Variants in NKTR observed in about 807,000 individuals in gnomAD.
The protein encoded by NKTR is natural killer cell triggering receptor, also known as NK-tumor recognition protein.
NKTR carries 67 observed loss-of-function variants against 156.3 expected under a neutral mutation model. That is an observed-to-expected ratio of 0.43 (90% confidence interval 0.35 to 0.53). The LOEUF is 0.53. NKTR is among the 20% of genes least tolerant of loss of function. NKTR has a pLI of 0.01. For missense variants in NKTR, 1,604 were observed against 1,730.9 expected (o/e 0.93, Z 1.30); for synonymous variants, 640 against 596.6 (o/e 1.07, Z -1.06).
chr3:42,638,409 A>C lies in NKTR; in HGVS notation c.2705A>C (p.Asp902Ala), dbSNP rs1577571714. Residue 902 changes from aspartate to alanine, a missense_variant, in exon 13 of 17, where the codon GAC becomes GCC. By Grantham distance (126) the Asp-to-Ala change is moderately radical. Coordinates refer to ENST00000232978, the MANE Select transcript of NKTR (RefSeq NM_005385.4). ...GATGTCACTAAAAACAGTAAAAATG[A>C]CTCCCATCCATCCTCTGACAAGGAA... ...ERDVTKNSKN[D>A]SHPSSDKEEG... 1 of 1,613,834 alleles carries C rather than the reference A, an allele frequency of 6.2e-7. No homozygotes were observed. Among genetic ancestry groups the C allele is most frequent in the Non-Finnish European group, 8.5e-7 (1 of 1,179,958 alleles).
Position 42,642,502 on chromosome 3 carries a change from T to G in NKTR, c.4048T>G (p.Ser1350Ala). 6.2e-7 allele frequency: 1 copy of G among 1,610,726 alleles called. No homozygotes were observed. Among genetic ancestry groups the G allele is most frequent in the Non-Finnish European group, 8.5e-7 (1 of 1,176,920 alleles). ...TTTTTTCAATTGCTTTAATTGTAGA[T>G]CAAGAAGCTACTCTAGAAGTCGGAG... ...RSRSSTSSYR[S>A]RSYSRSRSRG... Residue 1350 changes from serine to alanine, a missense_variant and splice_region_variant, in exon 14 of 17, where the codon TCA becomes GCA. Transcript: ENST00000232978.
At chr3:42,630,735 A>AC in intron 7 of NKTR, 160 bp downstream of exon 7, 1 of 1,426,844 alleles carries the variant, frequency 7.0e-7, no homozygotes, top group South Asian at 1.7e-5. Context: ...TTGTTTTGAG[A>AC]CCCCATGGCT....
intron 10 of NKTR, among the ~76,000 whole-genome samples, chr3:42,634,243 C>T (rs1331768945): frequency 6.6e-6 from 1 of 152,088 alleles, no homozygotes; most frequent in East Asian, 1.9e-4. Context: ...GTGAATGTGT[C>T]GCTTTAGATT....
At chr3:42,613,552 T>A (rs1368413661) in intron 2 of NKTR, among the ~76,000 whole-genome samples, 1 of 152,208 alleles carries the variant, frequency 6.6e-6, no homozygotes, top group Non-Finnish European at 1.5e-5. Context: ...AACTACCATA[T>A]CATCTATGTA....
intron 2 of NKTR, chr3:42,612,470 C>T (rs910207500): frequency 1.3e-5 from 2 of 152,138 alleles, no homozygotes; most frequent in Non-Finnish European, 2.9e-5. Flanking sequence ...ATAATTAACA[C>T]TGTTTGCATT....
In NKTR at chr3:42,639,100, C is replaced by T. The variant is rs145783790; in HGVS notation, c.3396C>T (p.Cys1132=). The T allele has an allele frequency of 1.2e-4, 201 of 1,614,132 alleles. 1 individual carries two copies. In the East Asian group the frequency reaches 4.4e-3, roughly 36 times the overall value. ...AAACAGATGACAACATGGAGATCTG[C>T]ACTCCTGATAGGAGTTCCCCAGCAA... The part of the protein sequence containing the change: ...VLQTDDNMEI[C]TPDRSSPAKV... The change falls in exon 13 of 17, where the codon TGC becomes TGT. Residue 1132 remains cysteine (C), a synonymous_variant. Coordinates refer to ENST00000232978, the MANE Select transcript of NKTR (RefSeq NM_005385.4).
Position 42,643,846 on chromosome 3 carries a change from G to C in NKTR, c.4200-56G>C, listed in dbSNP as rs890050860. The C allele has an allele frequency of 4.9e-6, 6 of 1,225,666 alleles. No individual in the cohort carries two copies. In the Admixed American group the frequency reaches 5.3e-5, roughly 11 times the overall value. The allele number at this position is 1,225,666 out of a possible 1,614,324, so 75.9% of individuals were successfully genotyped here. A position where few individuals can be genotyped will look rare whatever the true frequency, so the allele number is the denominator to read the frequency against. The stretch of plus-strand genomic sequence containing the variant: ...CTCCTGAGATCCTAAAAAGAAATAG[G>C]AACATATGAGTATCTGAGTGGGAAA... On this transcript the variant is annotated intron_variant, in intron 15 of 16. Coordinates refer to ENST00000232978, the MANE Select transcript of NKTR (RefSeq NM_005385.4).
At chr3:42,643,228 T>G in intron 14 of NKTR, 111 bp from the exon 15 acceptor site, 1 of 764,942 alleles carries the variant, frequency 1.3e-6, no homozygotes, top group Admixed American at 2.4e-5. Context: ...AATGTAGCTG[T>G]GGGATTTCAC....
chr3:42,629,891 C>T (rs1708735819), intron 6 of NKTR: 1 of 985,432 alleles, frequency 1.0e-6, no homozygotes, highest in Non-Finnish European at 1.2e-6. Context: ...AAAATGTCTG[C>T]AATGTTATCC....
chr3:42,638,283 C>G lies in NKTR; in HGVS notation c.2579C>G (p.Thr860Ser). Residue 860 changes from threonine to serine, a missense_variant, in exon 13 of 17, where the codon ACT becomes AGT. Around this residue, in one of 6 missense-constraint regions of NKTR, gnomAD observed 1,255 missense variants for 1,243.7 expected, o/e 1.01. Transcript: ENST00000232978. ...GAATGCCCTCATTCAAAAAAAAGAACTTTGAAAGAGAATCTTTCTGATCAC... is the reference window on the plus strand; with the variant it reads ...GAATGCCCTCATTCAAAAAAAAGAAGTTTGAAAGAGAATCTTTCTGATCAC... The part of the protein sequence containing the change: ...ERECPHSKKR[T>S]LKENLSDHLR... 1 of 1,606,462 alleles carries G rather than the reference C, an allele frequency of 6.2e-7. No individual in the cohort carries two copies. The highest frequency in any genetic ancestry group is 1.1e-5 in the South Asian group (1 of 89,366).
rs181951035 is a variant in NKTR, at chr3:42,610,074, C to T, written c.59-7496C>T. On this transcript the variant is annotated intron_variant, in intron 2 of 16. Coordinates refer to ENST00000232978, the MANE Select transcript of NKTR (RefSeq NM_005385.4). ...GCTGGAGTGCAAAATGGTGCAATCT[C>T]GGCTCACTGCAACCTCTGCCTCCTG... Among the ~76,000 whole-genome samples, 3 of 152,110 alleles carry T rather than the reference C, an allele frequency of 2.0e-5. No individual in the cohort carries two copies. The East Asian group carries it at 5.8e-4, about 29-fold the overall frequency.
At chr3:42,645,057 G>A (rs1710237135) in intron 16 of NKTR, among the ~76,000 whole-genome samples, 1 of 152,000 alleles carries the variant, frequency 6.6e-6, no homozygotes, top group Admixed American at 6.5e-5. Flanking sequence ...AACTGAATGG[G>A]ACCCATGACC....
In NKTR at chr3:42,645,992, A is replaced by C; in HGVS notation, c.*17A>C. ...TACAGTTGAAAACGTCCGGATACAA[A>C]TTATATCTTATTTGTAAATATCTGG... On this transcript the variant is annotated 3_prime_UTR_variant, in exon 17 of 17. Coordinates refer to ENST00000232978, the MANE Select transcript of NKTR (RefSeq NM_005385.4). 1 of 1,563,918 alleles carries C rather than the reference A, an allele frequency of 6.4e-7. No homozygotes were observed. Among genetic ancestry groups the C allele is most frequent in the Non-Finnish European group, 8.8e-7 (1 of 1,135,712 alleles).
At chr3:42,628,985 G>T in intron 6 of NKTR, 1 of 548,442 alleles carries the variant, frequency 1.8e-6, no homozygotes, top group Non-Finnish European at 2.3e-6. Flanking sequence ...CTGGGCAACA[G>T]AGTGAGACTC....
chr3:42,618,997 C>CTTTTTT (rs10712209), intron 3 of NKTR, 23 bp from the exon 4 acceptor site: 9 of 1,355,240 alleles, frequency 6.6e-6, no homozygotes, highest in Admixed American at 2.5e-5. Flanking sequence ...AACTTCATTT[C>CTTTTTT]TTTTTTTTTT....
At chr3:42,644,476 G>A (rs1461683168) in intron 16 of NKTR, among the ~76,000 whole-genome samples, 1 of 151,932 alleles carries the variant, frequency 6.6e-6, no homozygotes, top group Non-Finnish European at 1.5e-5. Context: ...ACATATTTTG[G>A]CTTCTGCAAA....
At chr3:42,619,531 C>G (rs554536200) in intron 4 of NKTR, 133 bp from the exon 5 acceptor site, 1 of 1,516,224 alleles carries the variant, frequency 6.6e-7, no homozygotes, top group South Asian at 1.3e-5. Flanking sequence ...ATTGAGGACT[C>G]TGAGAATTTT....
In NKTR at chr3:42,637,815, G is replaced by A. The variant is rs1292409933; in HGVS notation, c.2111G>A (p.Arg704Lys). 17 of 1,613,978 alleles carry A rather than the reference G, an allele frequency of 1.1e-5. No homozygotes were observed. Among genetic ancestry groups the A allele is most frequent in the Non-Finnish European group, 1.3e-5 (15 of 1,179,960 alleles). ...TCTTCTAGGAGTAGATCTTATTCCAGATCATATACAAGATCACGTAGTCTA... is the reference window on the plus strand; with the variant it reads ...TCTTCTAGGAGTAGATCTTATTCCAAATCATATACAAGATCACGTAGTCTA... ...SRSSRSRSYS[R>K]SYTRSRSLAS... The change falls in exon 13 of 17, where the codon AGA (arginine) becomes AAA (lysine). Residue 704 changes from arginine (R) to lysine (K), a missense_variant. Coordinates refer to ENST00000232978, the MANE Select transcript of NKTR (RefSeq NM_005385.4).
chr3:42,620,555 C>T, intron 5 of NKTR: 1 of 984,862 alleles, frequency 1.0e-6, no homozygotes. Flanking sequence ...TTTTCAGAAG[C>T]CTGTTCCCAA....
Sources: gnomAD v4.1 joint callset for allele counts (sites outside exome capture counted in the v4.1 genomes callset) on GRCh38, gnomAD v4.1.1 for gene constraint, gnomAD v4.1.1 regional missense constraint, MANE v1.5 for transcripts, NCBI Gene and HGNC (gene_info 2026-07-23, HGNC 2026-07-21) for gene names.